Variants in PPFIBP2 observed in about 807,000 individuals in gnomAD.
PPFIBP2 encodes liprin-beta-2.
A neutral mutation model predicts 118.3 loss-of-function variants in PPFIBP2; 118 were observed. The observed-to-expected ratio is 1.00, with a 90% CI of 0.86 to 1.16. PPFIBP2 has a LOEUF of 1.16. Among genes scored for constraint, PPFIBP2 ranks in the 50% most tolerant of loss-of-function variants. The pLI is 0.00. For missense variants in PPFIBP2, 1,195 were observed against 1,073.1 expected (o/e 1.11, Z -1.59); for synonymous variants, 414 against 397.4 (o/e 1.04, Z -0.50).
chr11:7,663,245 T>A, the PPFIBP2 span, among the ~76,000 whole-genome samples: 1 of 139,032 alleles, frequency 7.2e-6, no homozygotes, highest in East Asian at 2.0e-4. Flanking sequence ...AGTTTCCAGT[T>A]TTTCTGTTCT....
chr11:7,649,558 C>A lies in PPFIBP2; in HGVS notation c.2025C>A (p.Thr675=), dbSNP rs778942353. The change falls in exon 21 of 24, where the codon ACC becomes ACA. Residue 675 remains threonine, a synonymous_variant. Coordinates refer to ENST00000299492, the MANE Select transcript of PPFIBP2 (RefSeq NM_003621.5). ...TVNDLLFLKV[T]SQLHHLSIKC... Reference sequence around the variant, plus strand: ...ACGATTTACTCTTCTTAAAAGTCACCAGCCAACTACATCATCTCAGCATCA... The same window carrying A: ...ACGATTTACTCTTCTTAAAAGTCACAAGCCAACTACATCATCTCAGCATCA... 1 of 1,614,174 alleles carries A rather than the reference C, an allele frequency of 6.2e-7. No homozygotes were observed. The highest frequency in any genetic ancestry group is 8.5e-7 in the Non-Finnish European group (1 of 1,180,036).
At chr11:7,603,322 A>G (rs1391035043) in intron 5 of PPFIBP2, among the ~76,000 whole-genome samples, 1 of 152,320 alleles carries the variant, frequency 6.6e-6, no homozygotes, top group Admixed American at 6.5e-5. Context: ...CATTTTACAG[A>G]TAAGAGTGAG....
chr11:7,572,752 A>G lies in PPFIBP2; in HGVS notation c.279+6985A>G, dbSNP rs974399558. 4.6e-5 allele frequency among the ~76,000 whole-genome samples: 7 copies of G among 152,204 alleles called. No homozygotes were observed. The South Asian group carries it at 6.2e-4, about 14-fold the overall frequency. The stretch of plus-strand genomic sequence containing the variant: ...TCTAGGCAAGTTTGTTTAGTAATCT[A>G]TGTTTCGAAGAATGTTTTGTTTGTT... On this transcript the variant is annotated intron_variant, in intron 3 of 23. Transcript: ENST00000299492.
At chr11:7,589,477 C>T (rs1224019331) in intron 3 of PPFIBP2, among the ~76,000 whole-genome samples, 1 of 152,046 alleles carries the variant, frequency 6.6e-6, no homozygotes, top group Non-Finnish European at 1.5e-5. Context: ...CCTGTAGACC[C>T]AGCTACTCAA....
chr11:7,617,297 AG>A (rs1848771657), intron 6 of PPFIBP2: 1 of 985,400 alleles, frequency 1.0e-6, no homozygotes, highest in East Asian at 1.1e-4. Context: ...GGTCACCTGT[AG>A]GAACCACACT....
chr11:7,571,420 C>CA (rs35517229), intron 3 of PPFIBP2, among the ~76,000 whole-genome samples: 57 of 142,886 alleles, frequency 4.0e-4, no homozygotes, highest in Middle Eastern at 3.6e-3. Flanking sequence ...AGAGGAGTTG[C>CA]AAAAAAAAAA....
At chr11:7,606,097 G>C in intron 5 of PPFIBP2, 1 of 1,434,126 alleles carries the variant, frequency 7.0e-7, no homozygotes, top group South Asian at 1.4e-5. Context: ...TGTGGTATAA[G>C]TGAAGAGCAC....
At chr11:7,594,916 C>CAAAAAAA (rs58084975) in intron 4 of PPFIBP2, among the ~76,000 whole-genome samples, 147 of 63,184 alleles carry the variant, frequency 2.3e-3, no homozygotes, top group East Asian at 6.6e-3. Context: ...GACTCCATCT[C>CAAAAAAA]AAAAAAAAAA....
intron 6 of PPFIBP2, among the ~76,000 whole-genome samples, chr11:7,615,770 C>T (rs191689265): frequency 6.6e-6 from 1 of 152,274 alleles, no homozygotes; most frequent in Admixed American, 6.5e-5. Context: ...AGAAAGTGGT[C>T]ATTGTTATTT....
chr11:7,526,491 A>G (rs1387949872), intron 1 of PPFIBP2, among the ~76,000 whole-genome samples: 7 of 152,178 alleles, frequency 4.6e-5, no homozygotes, highest in African/African-American at 1.7e-4. Context: ...GTAGTGGGGA[A>G]TAATTGGTGG....
chr11:7,597,367 T>C, intron 4 of PPFIBP2, 193 bp from the exon 5 acceptor site: 3 of 1,536,124 alleles, frequency 2.0e-6, no homozygotes, highest in Non-Finnish European at 2.6e-6. Flanking sequence ...CGAGACTCCC[T>C]GGTAAGGTAA....
At chr11:7,651,597 C>A in intron 22 of PPFIBP2, 59 bp from the exon 23 acceptor site, 1 of 1,496,604 alleles carries the variant, frequency 6.7e-7, no homozygotes, top group Non-Finnish European at 9.1e-7. Context: ...TCTCAGCATC[C>A]TCCCCCTCGA....
At chr11:7,648,347 T>G in intron 17 of PPFIBP2, 40 bp from the exon 18 acceptor site, 1 of 1,576,500 alleles carries the variant, frequency 6.3e-7, no homozygotes, top group Non-Finnish European at 8.7e-7. Context: ...AACCTCAGGC[T>G]CTCCCACTAA....
the PPFIBP2 span, chr11:7,666,598 G>C: frequency 1.4e-6 from 2 of 1,395,688 alleles, no homozygotes; most frequent in African/African-American, 1.4e-5. Context: ...CCATCCTCTT[G>C]TTCCCTGGAC....
chr11:7,663,353 T>A, the PPFIBP2 span, among the ~76,000 whole-genome samples: 12 of 150,184 alleles, frequency 8.0e-5, no homozygotes, highest in Non-Finnish European at 8.9e-5. Flanking sequence ...TGTTTGTTAG[T>A]TTTCCTTCTA....
Position 7,638,363 on chromosome 11 carries a change from C to T in PPFIBP2, c.1237-1369C>T, listed in dbSNP as rs185821476. Among the ~76,000 whole-genome samples the T allele has an allele frequency of 7.9e-5, 12 of 152,326 alleles. No homozygotes were observed. In the East Asian group the frequency reaches 2.3e-3, roughly 29 times the overall value. ...CTTGAAAATCTCATAGCCTTCCTCT[C>T]TGAAGGTTCTAGTTACTTCTACTCC... On this transcript the variant is annotated intron_variant, in intron 14 of 23. Transcript: ENST00000299492.
intron 15 of PPFIBP2, among the ~76,000 whole-genome samples, chr11:7,640,104 C>G (rs1851965154): frequency 3.9e-5 from 6 of 152,144 alleles, no homozygotes; most frequent in Non-Finnish European, 1.5e-5. Flanking sequence ...TGTGTATCCC[C>G]TACTTCTTTT....
Position 7,653,588 on chromosome 11 carries a change from T to A in PPFIBP2, c.*370T>A. ...TCAGCTCTCAGGCACCCCCTACACT[T>A]CAGTTGAGGGAAAAGCTCAAGTGCC... On this transcript the variant is annotated 3_prime_UTR_variant, in exon 24 of 24. Transcript: ENST00000299492. 7.7e-7 allele frequency: 1 copy of A among 1,302,006 alleles called. No homozygotes were observed. Among genetic ancestry groups the A allele is most frequent in the Non-Finnish European group, 1.0e-6 (1 of 997,684 alleles). 80.7% of individuals were successfully genotyped at this position (1,302,006 alleles called of 1,614,324 possible). A position where few individuals can be genotyped will look rare whatever the true frequency, so the allele number is the denominator to read the frequency against.
intron 5 of PPFIBP2, among the ~76,000 whole-genome samples, chr11:7,608,229 T>C (rs1170032706): frequency 6.6e-6 from 1 of 152,258 alleles, no homozygotes; most frequent in Non-Finnish European, 1.5e-5. Flanking sequence ...GTTGATTGCC[T>C]ATTTTAGCAT....
Sources: allele counts gnomAD v4.1 joint callset (sites outside exome capture counted in the v4.1 genomes callset), GRCh38; gene constraint gnomAD v4.1.1; transcripts MANE v1.5; gene names NCBI Gene and HGNC (gene_info 2026-07-23, HGNC 2026-07-21).